The following GRIA4 variants were observed in gnomAD, a reference collection of about 807,000 sequenced individuals.
The protein encoded by GRIA4 is glutamate ionotropic receptor AMPA type subunit 4.
Under a neutral mutation model 104.0 loss-of-function variants are expected in GRIA4, and 34 were observed. The observed-to-expected ratio is 0.33, with a 90% CI of 0.25 to 0.44. GRIA4 has a LOEUF of 0.44. GRIA4 is among the 20% of genes least tolerant of loss of function. The probability of loss-of-function intolerance (pLI) is 1.00; values close to 1 mark genes in which losing one functional copy is unlikely to be tolerated. For missense variants in GRIA4, 750 were observed against 1,096.5 expected, an observed-to-expected ratio of 0.68 and a Z score of 4.46; for synonymous variants, 386 against 381.9, an observed-to-expected ratio of 1.01 and a Z score of -0.13.
chr11:105,742,103 C>A (rs1462558458), intron 3 of GRIA4, among the ~76,000 whole-genome samples: 2 of 152,092 alleles, frequency 1.3e-5, no homozygotes, highest in African/African-American at 2.4e-5. Flanking sequence ...ATGTGTAGTA[C>A]TGGACACAGC....
intron 3 of GRIA4, among the ~76,000 whole-genome samples, chr11:105,648,952 A>G (rs12576615): frequency 0.52 from 79,382 of 151,960 alleles, 20,969 homozygotes; most frequent in Admixed American, 0.61. Flanking sequence ...GCTTATGAGA[A>G]GTAGGACGGA....
At chr11:105,755,638 T>A (rs1176413982) in intron 4 of GRIA4, among the ~76,000 whole-genome samples, 1 of 152,188 alleles carries the variant, frequency 6.6e-6, no homozygotes, top group Non-Finnish European at 1.5e-5. Context: ...TAGTAAAACA[T>A]TATTTCTGAA....
chr11:105,923,396 C>G (rs1335248657), intron 11 of GRIA4, among the ~76,000 whole-genome samples: 1 of 152,082 alleles, frequency 6.6e-6, no homozygotes, highest in Non-Finnish European at 1.5e-5. Context: ...AATCCCAGAG[C>G]TGCCATGATA....
intron 11 of GRIA4, among the ~76,000 whole-genome samples, chr11:105,919,620 C>T (rs1947504926): frequency 6.6e-6 from 1 of 152,108 alleles, no homozygotes; most frequent in South Asian, 2.1e-4. Flanking sequence ...GCAAATACAA[C>T]ATAAATGTTC....
intron 3 of GRIA4, among the ~76,000 whole-genome samples, chr11:105,686,974 G>T (rs1565463746): frequency 2.0e-5 from 3 of 152,062 alleles, no homozygotes; most frequent in Non-Finnish European, 4.4e-5. Context: ...ATCTTTGTTG[G>T]ATGCTTAGTT....
intron 4 of GRIA4, among the ~76,000 whole-genome samples, chr11:105,792,506 G>A (rs1942258229): frequency 6.6e-6 from 1 of 152,004 alleles, no homozygotes; most frequent in African/African-American, 2.4e-5. Flanking sequence ...ACTTTTTCAT[G>A]TGGAAAACAA....
intron 5 of GRIA4, 64 bp downstream of exon 5, chr11:105,862,272 C>A: frequency 1.1e-6 from 1 of 881,724 alleles, no homozygotes. Context: ...CTTTGATTGA[C>A]TTGTCCCCAT....
At chr11:105,835,442 A>G (rs972179650) in intron 4 of GRIA4, among the ~76,000 whole-genome samples, 1 of 152,200 alleles carries the variant, frequency 6.6e-6, no homozygotes, top group Admixed American at 6.5e-5. Flanking sequence ...TTCTTAGCCT[A>G]TATTATAACA....
intron 4 of GRIA4, among the ~76,000 whole-genome samples, chr11:105,801,298 T>C (rs1360721708): frequency 6.6e-6 from 1 of 151,766 alleles, no homozygotes; most frequent in Non-Finnish European, 1.5e-5. Context: ...GATTGTGATA[T>C]TGAATGTTAA....
chr11:105,714,509 G>A (rs1250904926), intron 3 of GRIA4, among the ~76,000 whole-genome samples: 1 of 151,996 alleles, frequency 6.6e-6, no homozygotes, highest in African/African-American at 2.4e-5. Flanking sequence ...AGTTGATTTT[G>A]TTGCCTAAAT....
chr11:105,657,013 T>A (rs1266369463), intron 3 of GRIA4, among the ~76,000 whole-genome samples: 1 of 149,116 alleles, frequency 6.7e-6, no homozygotes, highest in East Asian at 2.0e-4. Context: ...GACCTGTATA[T>A]TTATAAAGAT....
At chr11:105,775,909 T>G (rs1289199648) in intron 4 of GRIA4, among the ~76,000 whole-genome samples, 1 of 151,854 alleles carries the variant, frequency 6.6e-6, no homozygotes, top group Non-Finnish European at 1.5e-5. Flanking sequence ...AAACCTACAT[T>G]AAGAACTTCC....
intron 3 of GRIA4, among the ~76,000 whole-genome samples, chr11:105,639,550 T>C (rs1357101250): frequency 2.6e-5 from 4 of 152,022 alleles, no homozygotes; most frequent in Non-Finnish European, 5.9e-5. Context: ...CAATATATCT[T>C]ACATATTCAA....
chr11:105,779,420 A>G (rs1941608788), intron 4 of GRIA4, among the ~76,000 whole-genome samples: 2 of 151,884 alleles, frequency 1.3e-5, no homozygotes, highest in East Asian at 3.9e-4. Flanking sequence ...GACTTTCTTC[A>G]CAGAATTGGA....
intron 4 of GRIA4, among the ~76,000 whole-genome samples, chr11:105,771,464 G>A (rs554303440): frequency 6.6e-5 from 10 of 152,080 alleles, no homozygotes; most frequent in African/African-American, 2.4e-4. Context: ...CTAAGATTTT[G>A]ATATGAACCG....
At chr11:105,930,687 T>C (rs1947847030) in intron 13 of GRIA4, among the ~76,000 whole-genome samples, 1 of 152,158 alleles carries the variant, frequency 6.6e-6, no homozygotes, top group Non-Finnish European at 1.5e-5. Flanking sequence ...ACTTTTTCCA[T>C]TTTGCTGTGT....
intron 4 of GRIA4, among the ~76,000 whole-genome samples, chr11:105,761,359 T>C (rs533893406): frequency 5.3e-4 from 80 of 152,298 alleles, no homozygotes; most frequent in Non-Finnish European, 8.5e-4. Flanking sequence ...CCTGCATCCT[T>C]ATTTTTTAGG....
chr11:105,719,531 C>CTCATAAGGATATGACATA (rs1954221621), intron 3 of GRIA4, among the ~76,000 whole-genome samples: 1 of 152,020 alleles, frequency 6.6e-6, no homozygotes, highest in Non-Finnish European at 1.5e-5. Context: ...TTATGTAGTC[C>CTCATAAGGATATGACATA]AGGATATGAC....
At chr11:105,828,678 A>C (rs1044162086) in intron 4 of GRIA4, among the ~76,000 whole-genome samples, 1 of 150,618 alleles carries the variant, frequency 6.6e-6, no homozygotes, top group African/African-American at 2.5e-5. Context: ...AAAAAAAAAG[A>C]GTATGAGGCT....
Sources: gnomAD v4.1 joint callset for allele counts (sites outside exome capture counted in the v4.1 genomes callset) on GRCh38, gnomAD v4.1.1 for gene constraint, MANE v1.5 for transcripts, NCBI Gene and HGNC (gene_info 2026-07-23, HGNC 2026-07-21) for gene names.